Variants in ZNF488 observed in about 807,000 individuals in gnomAD.
ZNF488 encodes zinc finger protein 488.
ZNF488 carries 1 observed loss-of-function variant against 1.2 expected under a neutral mutation model. The ratio of observed to expected loss-of-function variants is 0.86; its 90% CI spans 0.30 to 4.07. The LOEUF (loss-of-function observed/expected upper bound fraction) is 4.07, where lower values mean the gene tolerates loss of function less well. Ranked by LOEUF, ZNF488 falls within the 30% of genes most tolerant of loss-of-function variation. ZNF488 has a pLI of 0.18. For missense variants in ZNF488, 450 were observed against 437.9 expected (o/e 1.03, Z -0.25); for synonymous variants, 185 against 190.1 (o/e 0.97, Z 0.22).
intron 1 of ZNF488, among the ~76,000 whole-genome samples, chr10:47,382,859 T>C (rs1368969696): frequency 6.6e-6 from 1 of 152,242 alleles, no homozygotes; most frequent in Non-Finnish European, 1.5e-5. Context: ...AATATCATGT[T>C]AACTTATTTC....
chr10:47,381,730 TA>T (rs372717222), intron 1 of ZNF488, among the ~76,000 whole-genome samples: 2 of 148,752 alleles, frequency 1.3e-5, no homozygotes, highest in African/African-American at 5.2e-5. Flanking sequence ...TCGACCCTCA[TA>T]GGGGTGGATG....
At chr10:47,369,978 C>CTGAATGAA (rs147995346) in intron 1 of ZNF488, among the ~76,000 whole-genome samples, 4 of 152,132 alleles carry the variant, frequency 2.6e-5, no homozygotes, top group African/African-American at 7.2e-5. Flanking sequence ...GAAGCCTTTG[C>CTGAATGAA]TGAATGAATG....
chr10:47,382,999 A>G (rs1179021017), intron 1 of ZNF488, among the ~76,000 whole-genome samples: 1 of 152,232 alleles, frequency 6.6e-6, no homozygotes, highest in African/African-American at 2.4e-5. Context: ...TATGTGTCAT[A>G]AAATATCATT....
rs2132267956 is a variant in ZNF488 at position 47,366,625 on chromosome 10, G to A, written c.*1182C>T. The stretch of plus-strand genomic sequence containing the variant: ...GGGCTTTCACGCAGACTGACCTGTG[G>A]AATGTCAAAGAGTACAGCCTGGGCT... On this transcript the variant is annotated 3_prime_UTR_variant, in exon 2 of 2. Transcript: ENST00000585316. 6.0e-6 allele frequency: 1 copy of A among 167,218 alleles called. No homozygotes were observed. Among genetic ancestry groups the A allele is most frequent in the East Asian group, 1.9e-4 (1 of 5,182 alleles). 10.4% of individuals were successfully genotyped at this position (167,218 alleles called of 1,614,324 possible).
At chr10:47,373,176 A>T (rs971150023) in intron 1 of ZNF488, among the ~76,000 whole-genome samples, 1 of 152,222 alleles carries the variant, frequency 6.6e-6, no homozygotes, top group African/African-American at 2.4e-5. Context: ...AGGTCCATGC[A>T]TGTGGCAAAA....
At chr10:47,371,868 G>A (rs945757219) in intron 1 of ZNF488, among the ~76,000 whole-genome samples, 19 of 152,080 alleles carry the variant, frequency 1.2e-4, no homozygotes, top group African/African-American at 4.3e-4. Context: ...GGGAGCGGAG[G>A]GGCCTTCCCA....
At chr10:47,371,944 C>T (rs1837486175) in intron 1 of ZNF488, among the ~76,000 whole-genome samples, 1 of 152,158 alleles carries the variant, frequency 6.6e-6, no homozygotes. Flanking sequence ...GACCCCTCCT[C>T]TGCCAAGCCT....
In ZNF488 at chr10:47,367,780, C is replaced by T. The variant is rs1555213023; in HGVS notation, c.*27G>A. The T allele has an allele frequency of 6.3e-7, 1 of 1,584,868 alleles. No homozygotes were observed. Among genetic ancestry groups the T allele is most frequent in the Non-Finnish European group, 8.6e-7 (1 of 1,165,636 alleles). Reference sequence around the variant, plus strand: ...CCTCTGCCAAAGGCTGGCTGCTGCACCCAGCAGGTCATTCTGCGGTCACCT... The same window carrying T: ...CCTCTGCCAAAGGCTGGCTGCTGCATCCAGCAGGTCATTCTGCGGTCACCT... On this transcript the variant is annotated 3_prime_UTR_variant, in exon 2 of 2. Coordinates refer to ENST00000585316, the MANE Select transcript of ZNF488 (RefSeq NM_153034.4).
At chr10:47,369,399 G>A (rs1440262551) in intron 1 of ZNF488, among the ~76,000 whole-genome samples, 4 of 152,132 alleles carry the variant, frequency 2.6e-5, no homozygotes, top group African/African-American at 7.2e-5. Flanking sequence ...CTCCATGCTC[G>A]AGCTACCTCT....
intron 1 of ZNF488, among the ~76,000 whole-genome samples, chr10:47,369,786 A>C: frequency 6.6e-6 from 1 of 152,334 alleles, no homozygotes; most frequent in Middle Eastern, 3.4e-3. Context: ...TCTCAGACAC[A>C]GACAACACTC....
At chr10:47,374,428 A>T (rs1449805776) in intron 1 of ZNF488, among the ~76,000 whole-genome samples, 1 of 152,206 alleles carries the variant, frequency 6.6e-6, no homozygotes, top group African/African-American at 2.4e-5. Context: ...AAAGAGGTGG[A>T]TTAATAGGTC....
At chr10:47,383,470 C>T (rs189480188) in intron 1 of ZNF488, among the ~76,000 whole-genome samples, 1 of 152,306 alleles carries the variant, frequency 6.6e-6, no homozygotes, top group East Asian at 1.9e-4. Context: ...TGGGTGGGAA[C>T]GCCCCCTAAA....
At position 47,368,500 on chromosome 10, in the gene ZNF488, G is replaced by C; in HGVS notation, c.330C>G (p.Asp110Glu). ...CCTGGGCCTGAGCATCCACCTGCCGGTCCTTCATCCTCGGCAGCTCCGTGA... is the reference window on the plus strand; with the variant it reads ...CCTGGGCCTGAGCATCCACCTGCCGCTCCTTCATCCTCGGCAGCTCCGTGA... ...SAFTELPRMK[D>E]RQVDAQAQER... Residue 110 changes from aspartate (D) to glutamate (E), a missense_variant, in exon 2 of 2, where the codon GAC (aspartate) becomes GAG (glutamate). Transcript: ENST00000585316. The C allele has an allele frequency of 6.2e-7, 1 of 1,613,844 alleles. No homozygotes were observed. The highest frequency in any genetic ancestry group is 8.5e-7 in the Non-Finnish European group (1 of 1,179,976).
chr10:47,372,631 C>T (rs1286126147), intron 1 of ZNF488, among the ~76,000 whole-genome samples: 1 of 152,176 alleles, frequency 6.6e-6, no homozygotes, highest in Non-Finnish European at 1.5e-5. Context: ...CCATCGTTGC[C>T]CCAAATTCCT....
chr10:47,367,906 A>G lies in ZNF488; in HGVS notation c.924T>C (p.His308=). 1 of 1,614,096 alleles carries G rather than the reference A, an allele frequency of 6.2e-7. No homozygotes were observed. The highest frequency in any genetic ancestry group is 8.5e-7 in the Non-Finnish European group (1 of 1,180,036). Residue 308 remains histidine, a synonymous_variant, in exon 2 of 2, where the codon CAT becomes CAC. Coordinates refer to ENST00000585316, the MANE Select transcript of ZNF488 (RefSeq NM_153034.4). ...GGGCCTCTTCTCTCCGCTTCTGAGAATGTGGGTCAGGCCCCGCATGCTCCT... is the reference window on the plus strand; with the variant it reads ...GGGCCTCTTCTCTCCGCTTCTGAGAGTGTGGGTCAGGCCCCGCATGCTCCT... ...HKKEHAGPDP[H]SQKRREEALA...
intron 1 of ZNF488, among the ~76,000 whole-genome samples, chr10:47,380,432 G>A (rs1295519920): frequency 1.3e-5 from 2 of 152,300 alleles, no homozygotes; most frequent in Admixed American, 1.3e-4. Flanking sequence ...CAAGTCTACA[G>A]GGGATCTAAC....
chr10:47,372,377 C>T (rs1555213948), intron 1 of ZNF488, among the ~76,000 whole-genome samples: 3 of 152,192 alleles, frequency 2.0e-5, no homozygotes, highest in Non-Finnish European at 2.9e-5. Context: ...TGGCCAAGAA[C>T]AGAGCCGGTG....
Position 47,368,954 on chromosome 10 carries a change from C to T in ZNF488, c.-108-17G>A, listed in dbSNP as rs376593093. 5.0e-5 allele frequency: 59 copies of T among 1,182,374 alleles called. No homozygotes were observed. In the East Asian group the frequency reaches 6.0e-4, roughly 12 times the overall value. The allele number at this position is 1,182,374 out of a possible 1,614,324, so 73.2% of individuals were successfully genotyped here. A position where few individuals can be genotyped will look rare whatever the true frequency, so the allele number is the denominator to read the frequency against. On this transcript the variant is annotated splice_polypyrimidine_tract_variant and intron_variant, in intron 1 of 1. Coordinates refer to ENST00000585316, the MANE Select transcript of ZNF488 (RefSeq NM_153034.4). The stretch of plus-strand genomic sequence containing the variant: ...CACAGGGCCCTGCAGAGAGAGGAAG[C>T]GACAGGCAGTGAGATGGGCATTCAT...
chr10:47,366,676 G>A lies in ZNF488; in HGVS notation c.*1131C>T, dbSNP rs1190305501. Reference sequence around the variant, plus strand: ...CCACACATCCTTAGGAACAAGGGCTGATGCGGGTACCTACAACAGCTACTG... The same window carrying A: ...CCACACATCCTTAGGAACAAGGGCTAATGCGGGTACCTACAACAGCTACTG... On this transcript the variant is annotated 3_prime_UTR_variant, in exon 2 of 2. Transcript: ENST00000585316. 1.2e-5 allele frequency: 2 copies of A among 167,122 alleles called. No individual in the cohort carries two copies. 10.4% of individuals were successfully genotyped at this position (167,122 alleles called of 1,614,324 possible).
Sources: gnomAD v4.1 joint callset for allele counts (sites outside exome capture counted in the v4.1 genomes callset) on GRCh38, gnomAD v4.1.1 for gene constraint, MANE v1.5 for transcripts, NCBI Gene and HGNC (gene_info 2026-07-23, HGNC 2026-07-21) for gene names.